NLGN1: variants seen among roughly 807,000 people sequenced by gnomAD.
The protein encoded by NLGN1 is neuroligin-1.
In NLGN1, 12 loss-of-function variants were observed where a neutral mutation model predicts 65.5. That is an observed-to-expected ratio of 0.18 (90% confidence interval 0.12 to 0.30). The LOEUF is 0.30. Among genes scored for constraint, NLGN1 ranks in the 10% least tolerant of loss-of-function variants. The pLI, the probability that NLGN1 is intolerant of heterozygous loss-of-function variation, is 1.00. For missense variants in NLGN1, 750 were observed against 1,007.1 expected, an observed-to-expected ratio of 0.74 and a Z score of 3.46; for synonymous variants, 350 against 359.5, an observed-to-expected ratio of 0.97 and a Z score of 0.30.
chr3:173,987,050 G>A (rs1031679184), intron 4 of NLGN1, among the ~76,000 whole-genome samples: 1 of 152,172 alleles, frequency 6.6e-6, no homozygotes, highest in Non-Finnish European at 1.5e-5. Flanking sequence ...AACCCACTTT[G>A]TACAGCCCTG....
intron 4 of NLGN1, among the ~76,000 whole-genome samples, chr3:174,006,422 A>G (rs1724411248): frequency 6.6e-6 from 1 of 152,082 alleles, no homozygotes; most frequent in African/African-American, 2.4e-5. Context: ...ATCCGTACTG[A>G]CATTCTTTTT....
intron 4 of NLGN1, among the ~76,000 whole-genome samples, chr3:174,192,084 T>C (rs1732494502): frequency 6.6e-6 from 1 of 152,110 alleles, no homozygotes; most frequent in African/African-American, 2.4e-5. Flanking sequence ...ACCCCTGAAA[T>C]TCCATCATAT....
At chr3:173,514,249 A>G (rs1733471043) in intron 2 of NLGN1, among the ~76,000 whole-genome samples, 1 of 152,186 alleles carries the variant, frequency 6.6e-6, no homozygotes, top group Non-Finnish European at 1.5e-5. Context: ...GTTTGTTTCA[A>G]TAGTTTTTTA....
intron 4 of NLGN1, among the ~76,000 whole-genome samples, chr3:174,206,151 A>G (rs1289813990): frequency 6.6e-6 from 1 of 152,240 alleles, no homozygotes. Context: ...AAATAAGAAC[A>G]TGGACTCTGA....
chr3:173,652,425 T>C (rs528020214), intron 3 of NLGN1, among the ~76,000 whole-genome samples: 1 of 152,292 alleles, frequency 6.6e-6, no homozygotes, highest in Non-Finnish European at 1.5e-5. Flanking sequence ...CTTTATTCCA[T>C]CTTGAGTTGA....
At chr3:173,454,179 A>G (rs1722122302) in intron 2 of NLGN1, among the ~76,000 whole-genome samples, 1 of 152,132 alleles carries the variant, frequency 6.6e-6, no homozygotes, top group African/African-American at 2.4e-5. Context: ...GGCTTAAAAT[A>G]TTCAGTAATC....
At chr3:173,857,488 G>C (rs940720720) in intron 4 of NLGN1, among the ~76,000 whole-genome samples, 1 of 151,836 alleles carries the variant, frequency 6.6e-6, no homozygotes, top group African/African-American at 2.4e-5. Flanking sequence ...CTGTTTGACT[G>C]TTTTTCTGCT....
chr3:173,661,735 A>G (rs1760955709), intron 3 of NLGN1, among the ~76,000 whole-genome samples: 1 of 152,044 alleles, frequency 6.6e-6, no homozygotes, highest in Non-Finnish European at 1.5e-5. Flanking sequence ...ACAATATGGA[A>G]TCATTAGTAA....
At chr3:173,622,431 G>A (rs4894620) in intron 3 of NLGN1, among the ~76,000 whole-genome samples, 112,984 of 151,854 alleles carry the variant, frequency 0.74, 42,858 homozygotes, top group East Asian at 0.86. Flanking sequence ...TCAGAGAGAG[G>A]CTGAGAATAC....
chr3:173,961,179 A>G (rs751264383), intron 4 of NLGN1, among the ~76,000 whole-genome samples: 2 of 152,112 alleles, frequency 1.3e-5, no homozygotes, highest in Non-Finnish European at 2.9e-5. Flanking sequence ...TATAAAATAT[A>G]CAGTATATGT....
chr3:173,665,579 A>G (rs563688178), intron 3 of NLGN1, among the ~76,000 whole-genome samples: 69 of 152,284 alleles, frequency 4.5e-4, no homozygotes, highest in Non-Finnish European at 1.8e-4. Context: ...CATAATTGAC[A>G]TTGAGGAATC....
intron 3 of NLGN1, among the ~76,000 whole-genome samples, chr3:173,660,576 C>T (rs1760790469): frequency 6.6e-6 from 1 of 151,728 alleles, no homozygotes; most frequent in Non-Finnish European, 1.5e-5. Context: ...GGGGAGAATG[C>T]CATACTAAGT....
chr3:173,829,047 A>G (rs1284769750), intron 4 of NLGN1, among the ~76,000 whole-genome samples: 2 of 152,078 alleles, frequency 1.3e-5, no homozygotes, highest in African/African-American at 4.8e-5. Flanking sequence ...GGAGAAGAGC[A>G]AGAATGCAAG....
At chr3:173,637,641 G>A (rs577561040) in intron 3 of NLGN1, among the ~76,000 whole-genome samples, 10 of 152,188 alleles carry the variant, frequency 6.6e-5, no homozygotes, top group African/African-American at 2.4e-4. Context: ...ATACTATGAT[G>A]TTATGAGGCA....
chr3:173,728,041 GA>G (rs906699806), intron 3 of NLGN1, among the ~76,000 whole-genome samples: 8 of 151,978 alleles, frequency 5.3e-5, no homozygotes, highest in Non-Finnish European at 8.8e-5. Context: ...GAACTGATAT[GA>G]AAAAAATATA....
chr3:173,399,753 G>GT (rs1427681295), intron 1 of NLGN1: 2 of 152,124 alleles, frequency 1.3e-5, no homozygotes, highest in African/African-American at 4.8e-5. Context: ...TAAACTAGCT[G>GT]TTTCTGGTTT....
At chr3:173,924,203 AC>A (rs1488627612) in intron 4 of NLGN1, among the ~76,000 whole-genome samples, 12 of 152,080 alleles carry the variant, frequency 7.9e-5, no homozygotes, top group Admixed American at 7.9e-4. Flanking sequence ...TTTTACAAAA[AC>A]CTGAAAGAGA....
intron 2 of NLGN1, among the ~76,000 whole-genome samples, chr3:173,598,028 A>C (rs997840323): frequency 6.6e-6 from 1 of 151,984 alleles, no homozygotes; most frequent in African/African-American, 2.4e-5. Flanking sequence ...TAGAAATTTC[A>C]TTTTGCCTTT....
chr3:173,614,902 G>A (rs1429151457), intron 3 of NLGN1, among the ~76,000 whole-genome samples: 1 of 151,988 alleles, frequency 6.6e-6, no homozygotes, highest in Non-Finnish European at 1.5e-5. Flanking sequence ...ATTCATTTAA[G>A]GAATAACTTC....
Sources: gnomAD v4.1 joint callset for allele counts (sites outside exome capture counted in the v4.1 genomes callset) on GRCh38, gnomAD v4.1.1 for gene constraint, MANE v1.5 for transcripts, NCBI Gene and HGNC (gene_info 2026-07-23, HGNC 2026-07-21) for gene names.